The following STXBP5L variants were observed in gnomAD, a reference collection of about 807,000 sequenced individuals.
The protein encoded by STXBP5L is syntaxin binding protein 5L.
Under a neutral mutation model 144.5 loss-of-function variants are expected in STXBP5L, and 65 were observed. That is an observed-to-expected ratio of 0.45 (90% confidence interval 0.37 to 0.55). The LOEUF is 0.55. STXBP5L is among the 20% of genes least tolerant of loss of function. The probability of loss-of-function intolerance (pLI) is 0.00; values close to 1 mark genes in which losing one functional copy is unlikely to be tolerated. For synonymous variants in STXBP5L, 505 were observed against 469.6 expected (o/e 1.08, Z -0.97); for missense variants, 1,298 against 1,405.5 (o/e 0.92, Z 1.22).
intron 3 of STXBP5L, among the ~76,000 whole-genome samples, chr3:121,007,085 G>T (rs1275303394): frequency 2.6e-5 from 4 of 152,032 alleles, no homozygotes; most frequent in Admixed American, 1.3e-4. Flanking sequence ...TCCTGAATTT[G>T]AATATTGGCC....
At chr3:120,924,825 T>G (rs984663968) in intron 2 of STXBP5L, among the ~76,000 whole-genome samples, 2 of 108,966 alleles carry the variant, frequency 1.8e-5, no homozygotes, top group Admixed American at 1.1e-4. Context: ...TTCTTCTGTC[T>G]CAGCCTCCCC....
intron 18 of STXBP5L, among the ~76,000 whole-genome samples, chr3:121,269,224 C>T (rs1034879144): frequency 1.3e-5 from 2 of 151,672 alleles, no homozygotes; most frequent in Admixed American, 6.6e-5. Flanking sequence ...CGAAGTCTAA[C>T]TAGGAAAATA....
At chr3:121,005,640 T>C (rs1428984970) in intron 3 of STXBP5L, among the ~76,000 whole-genome samples, 1 of 152,198 alleles carries the variant, frequency 6.6e-6, no homozygotes, top group Admixed American at 6.5e-5. Flanking sequence ...TTAATTGTGA[T>C]GTTAGGGTGT....
At chr3:120,975,552 T>C (rs1292621408) in intron 3 of STXBP5L, among the ~76,000 whole-genome samples, 1 of 152,162 alleles carries the variant, frequency 6.6e-6, no homozygotes, top group Non-Finnish European at 1.5e-5. Flanking sequence ...TCCTGCCTGA[T>C]TGCCCTGGCC....
intron 5 of STXBP5L, among the ~76,000 whole-genome samples, chr3:121,088,065 G>A (rs548111864): frequency 3.8e-4 from 58 of 151,870 alleles, no homozygotes; most frequent in East Asian, 1.2e-3. Flanking sequence ...TAGAAGCTCC[G>A]GCAACAAAAG....
rs73855346 is a variant in STXBP5L at position 121,165,372 on chromosome 3, A to G, written c.877+7745A>G. Among the ~76,000 whole-genome samples, 1,070 of 152,252 alleles carry G rather than the reference A, an allele frequency of 7.0e-3. 8 individuals are homozygous for G. The highest frequency in any genetic ancestry group is 0.025 in the African/African-American group (1,031 of 41,550). ...TATTTTCCCCCAGCACTATGATGAT[A>G]TTATACAATGTTTGCCAGGCTACCA... is the stretch of plus-strand genomic sequence containing the variant. On this transcript the variant is annotated intron_variant, in intron 9 of 26. Transcript: ENST00000471454.
chr3:121,358,472 A>C (rs1223235171), intron 20 of STXBP5L, among the ~76,000 whole-genome samples: 1 of 152,144 alleles, frequency 6.6e-6, no homozygotes, highest in Non-Finnish European at 1.5e-5. Flanking sequence ...AAGGAGGAAG[A>C]GAGAGCAAAG....
chr3:121,240,461 G>T lies in STXBP5L; in HGVS notation c.1354G>T (p.Ala452Ser), dbSNP rs746736616. ...TTAGGAGTGGCCAATCAGTGGAGGAGCTTGGAACCTTGGAGCACAAACATA... is the reference window on the plus strand; with the variant it reads ...TTAGGAGTGGCCAATCAGTGGAGGATCTTGGAACCTTGGAGCACAAACATA... ...SNKEWPISGGAWNLGAQTYPE... is the reference protein window; with the variant it reads ...SNKEWPISGGSWNLGAQTYPE... Residue 452 changes from alanine to serine, a missense_variant, in exon 14 of 27, where the codon GCT becomes TCT. Transcript: ENST00000471454. 3 of 1,613,406 alleles carry T rather than the reference G, an allele frequency of 1.9e-6. No homozygotes were observed. Among genetic ancestry groups the T allele is most frequent in the African/African-American group, 2.7e-5 (2 of 74,886 alleles).
intron 20 of STXBP5L, among the ~76,000 whole-genome samples, chr3:121,363,500 A>C (rs1357214533): frequency 6.6e-6 from 1 of 152,010 alleles, no homozygotes; most frequent in African/African-American, 2.4e-5. Flanking sequence ...ACATCAGCTG[A>C]GTTTGGTTTA....
Position 121,008,908 on chromosome 3 carries a change from T to C in STXBP5L, c.288-32792T>C, listed in dbSNP as rs528260482. Reference sequence around the variant, plus strand: ...ATCTATCTTTTCCAGGATGGAATAGTTTCTTACGGTTTAATATAATCAATT... The same window carrying C: ...ATCTATCTTTTCCAGGATGGAATAGCTTCTTACGGTTTAATATAATCAATT... On this transcript the variant is annotated intron_variant, in intron 3 of 26. Transcript: ENST00000471454. Among the ~76,000 whole-genome samples the C allele has an allele frequency of 1.3e-3, 193 of 150,082 alleles. 2 individuals are homozygous for C. The highest frequency in any genetic ancestry group is 4.5e-3 in the African/African-American group (184 of 40,828).
intron 2 of STXBP5L, among the ~76,000 whole-genome samples, chr3:120,952,617 T>G (rs1398389781): frequency 6.6e-6 from 1 of 152,084 alleles, no homozygotes; most frequent in Non-Finnish European, 1.5e-5. Flanking sequence ...TCAAGACATT[T>G]ATCTTCATAA....
chr3:120,955,450 C>T (rs1937925666), intron 3 of STXBP5L, among the ~76,000 whole-genome samples: 1 of 151,956 alleles, frequency 6.6e-6, no homozygotes, highest in African/African-American at 2.4e-5. Context: ...ATTTGATCTT[C>T]TTTCTCTAGT....
chr3:121,249,507 C>G (rs1223792354), intron 14 of STXBP5L, among the ~76,000 whole-genome samples: 3 of 152,052 alleles, frequency 2.0e-5, no homozygotes, highest in African/African-American at 7.2e-5. Flanking sequence ...TATTGCTATT[C>G]AATGGAAATG....
intron 9 of STXBP5L, among the ~76,000 whole-genome samples, chr3:121,205,269 A>G (rs920959010): frequency 6.6e-6 from 1 of 152,200 alleles, no homozygotes; most frequent in Non-Finnish European, 1.5e-5. Context: ...ATTGAGGGGC[A>G]ACATCTGATG....
chr3:121,363,243 T>A (rs900648443), intron 20 of STXBP5L, among the ~76,000 whole-genome samples: 6 of 152,180 alleles, frequency 3.9e-5, no homozygotes, highest in Non-Finnish European at 5.9e-5. Flanking sequence ...CTGACCCAGC[T>A]GGTGTCTCAA....
intron 7 of STXBP5L, among the ~76,000 whole-genome samples, chr3:121,123,132 A>T (rs1342219178): frequency 1.3e-5 from 2 of 151,578 alleles, no homozygotes; most frequent in Non-Finnish European, 3.0e-5. Flanking sequence ...AATTAGGGAA[A>T]TACAATATAC....
chr3:121,344,890 C>T (rs1299515275), intron 20 of STXBP5L, among the ~76,000 whole-genome samples: 2 of 150,404 alleles, frequency 1.3e-5, no homozygotes, highest in Non-Finnish European at 3.0e-5. Flanking sequence ...TATTAAAATA[C>T]CCCAAAACTT....
At chr3:121,204,357 T>G (rs761215164) in intron 9 of STXBP5L, among the ~76,000 whole-genome samples, 2 of 152,214 alleles carry the variant, frequency 1.3e-5, no homozygotes, top group Non-Finnish European at 2.9e-5. Context: ...ATGTATATTT[T>G]TGTACAGTGT....
At chr3:121,216,562 T>A (rs1044927466) in intron 10 of STXBP5L, among the ~76,000 whole-genome samples, 1 of 152,138 alleles carries the variant, frequency 6.6e-6, no homozygotes, top group Non-Finnish European at 1.5e-5. Context: ...GGAAGCTTCG[T>A]CTTAGAGGGA....
Sources: allele counts gnomAD v4.1 joint callset (sites outside exome capture counted in the v4.1 genomes callset), GRCh38; gene constraint gnomAD v4.1.1; transcripts MANE v1.5; gene names NCBI Gene and HGNC (gene_info 2026-07-23, HGNC 2026-07-21).